The following MYBPC2 variants were observed in gnomAD, a reference collection of about 807,000 sequenced individuals.
The protein encoded by MYBPC2 is myosin binding protein C2.
A neutral mutation model predicts 137.0 loss-of-function variants in MYBPC2; 122 were observed. The ratio of observed to expected loss-of-function variants is 0.89; its 90% confidence interval spans 0.77 to 1.03. MYBPC2 has a LOEUF of 1.03. Among genes scored for constraint, MYBPC2 ranks in the 50% least tolerant of loss-of-function variants. The pLI is 0.00. For synonymous variants in MYBPC2, 626 were observed against 612.3 expected (o/e 1.02, Z -0.33); for missense variants, 1,500 against 1,534.4 (o/e 0.98, Z 0.37).
At chr19:50,452,548 C>CTATCTATCTATG in intron 16 of MYBPC2, among the ~76,000 whole-genome samples, 1 of 133,296 alleles carries the variant, frequency 7.5e-6, no homozygotes. Flanking sequence ...ATGTATCTAT[C>CTATCTATCTATG]TATCTATCTA....
rs771101541 is a variant in MYBPC2 at position 50,455,123 on chromosome 19, G to A, written c.2030G>A (p.Arg677Gln). Residue 677 changes from arginine to glutamine, a missense_variant, in exon 19 of 28, where the codon CGG becomes CAG. Coordinates refer to ENST00000357701, the MANE Select transcript of MYBPC2 (RefSeq NM_004533.4). ...GKPVTGYLVE[R>Q]KKKGSQRWMK... ...GAGCCTCCAGGGTACCTCGTAGAGC[G>A]GAAGAAGAAGGGCTCTCAGCGCTGG... The A allele has an allele frequency of 4.8e-5, 78 of 1,612,658 alleles. No homozygotes were observed. Among genetic ancestry groups the A allele is most frequent in the African/African-American group, 1.6e-4 (12 of 74,796 alleles).
rs111688065 is a variant in MYBPC2 at position 50,463,524 on chromosome 19, CATTT to C, written c.3229-818_3229-815del. 8.5e-4 allele frequency among the ~76,000 whole-genome samples: 130 copies of C among 152,322 alleles called. 2 individuals carry two copies. Among genetic ancestry groups the C allele is most frequent in the African/African-American group, 3.0e-3 (125 of 41,572 alleles). Reference sequence around the variant, plus strand: ...CGTGCTCTCATTCATTTATTCACTCCATTTATTCTTACAACAAACATTTTCAGAG... The same window carrying C: ...CGTGCTCTCATTCATTTATTCACTCCATTCTTACAACAAACATTTTCAGAG... On this transcript the variant is annotated intron_variant, in intron 26 of 27. Transcript: ENST00000357701.
intron 24 of MYBPC2, 93 bp from the exon 25 acceptor site, chr19:50,461,449 G>T: frequency 9.7e-6 from 13 of 1,334,674 alleles, no homozygotes; most frequent in Non-Finnish European, 1.2e-5. Context: ...CACTGGATGT[G>T]CTTTTCTCAC....
At chr19:50,464,952 A>ACCTGCCCCTGCCTCTC in intron 27 of MYBPC2, among the ~76,000 whole-genome samples, 1 of 149,700 alleles carries the variant, frequency 6.7e-6, no homozygotes, top group Non-Finnish European at 1.5e-5. Flanking sequence ...GCTCCCACCC[A>ACCTGCCCCTGCCTCTC]CCTGCCCCTG....
At chr19:50,461,084 G>A (rs2039967685) in intron 24 of MYBPC2, among the ~76,000 whole-genome samples, 2 of 151,496 alleles carry the variant, frequency 1.3e-5, no homozygotes, top group Admixed American at 1.3e-4. Context: ...GCTCACTGCA[G>A]CCTCCAACCC....
chr19:50,452,634 G>A lies in MYBPC2; in HGVS notation c.1749+631G>A, dbSNP rs10424749. Among the ~76,000 whole-genome samples the A allele has an allele frequency of 7.3e-3, 1,111 of 151,890 alleles. 14 individuals carry two copies. Among genetic ancestry groups the A allele is most frequent in the African/African-American group, 0.026 (1,058 of 41,386 alleles). On this transcript the variant is annotated intron_variant, in intron 16 of 27. Transcript: ENST00000357701. ...GTGCAGTGGCGTAGTCTTGGCTCAC[G>A]GAAACCTCCACCTCCCAGGCTCAAG...
At chr19:50,461,780 C>T (rs1261001851) in intron 25 of MYBPC2, 79 bp downstream of exon 25, 8 of 1,594,884 alleles carry the variant, frequency 5.0e-6, no homozygotes, top group Non-Finnish European at 6.8e-6. Context: ...CCTGCCCTCC[C>T]CTCCCCACTG....
At position 50,466,200 on chromosome 19, in the gene MYBPC2, C is replaced by A. The variant is rs1051419574; in HGVS notation, c.3421C>A (p.Gln1141Lys). The change falls in exon 28 of 28, where the codon CAG (glutamine) becomes AAG (lysine). Residue 1141 changes from glutamine to lysine, a missense_variant. Gln to Lys is a moderately conservative substitution (Grantham distance 53). Transcript: ENST00000357701. This position sits in a 1 kb window ranked among gnomAD's most constrained non-coding sequence, Gnocchi z 4.9. Reference sequence around the variant, plus strand: ...GCTTTCTCGTTTTCCTGCAGTGCCGCAGTGAGACCTGTCCCCTACCTGCCA... The same window carrying A: ...GCTTTCTCGTTTTCCTGCAGTGCCGAAGTGAGACCTGTCCCCTACCTGCCA... ...AECKLEVRVP[Q>K] 3 of 1,613,924 alleles carry A rather than the reference C, an allele frequency of 1.9e-6. No homozygotes were observed. Among genetic ancestry groups the A allele is most frequent in the Middle Eastern group, 3.3e-4 (2 of 6,062 alleles).
At chr19:50,436,787 A>G in intron 5 of MYBPC2, 53 bp downstream of exon 5, 1 of 1,537,408 alleles carries the variant, frequency 6.5e-7, no homozygotes, top group Non-Finnish European at 9.0e-7. Flanking sequence ...GGTGGGGTGG[A>G]CAGATGTACC....
At position 50,436,613 on chromosome 19, in the gene MYBPC2, C is replaced by T; in HGVS notation, c.346-4C>T. Reference sequence around the variant, plus strand: ...TGCACCCACACCCCCGGCCCTGGACCCAGGTGTACACCGTGGAGCTGCACA... The same window carrying T: ...TGCACCCACACCCCCGGCCCTGGACTCAGGTGTACACCGTGGAGCTGCACA... On this transcript the variant is annotated splice_polypyrimidine_tract_variant and splice_region_variant and intron_variant, in intron 4 of 27. Transcript: ENST00000357701. 1 of 1,613,316 alleles carries T rather than the reference C, an allele frequency of 6.2e-7. No individual in the cohort carries two copies. The highest frequency in any genetic ancestry group is 8.5e-7 in the Non-Finnish European group (1 of 1,179,360).
At position 50,435,786 on chromosome 19, in the gene MYBPC2, C is replaced by T. The variant is rs1355213778; in HGVS notation, c.120C>T (p.Pro40=). 14 of 1,609,962 alleles carry T rather than the reference C, an allele frequency of 8.7e-6. No individual in the cohort carries two copies. The highest frequency in any genetic ancestry group is 2.2e-5 in the South Asian group (2 of 90,526). ...CTGTCCCCTGAACAGAAGCCCCACCCGAGGACCAGTCCCCGACTGCAGAGG... is the reference window on the plus strand; with the variant it reads ...CTGTCCCCTGAACAGAAGCCCCACCTGAGGACCAGTCCCCGACTGCAGAGG... The part of the protein sequence containing the change: ...APAEAPKEAP[P]EDQSPTAEEP... Residue 40 remains proline, a synonymous_variant, in exon 3 of 28, where the codon CCC becomes CCT. Coordinates refer to ENST00000357701, the MANE Select transcript of MYBPC2 (RefSeq NM_004533.4). This position sits in a 1 kb window ranked among gnomAD's most constrained non-coding sequence, Gnocchi z 4.8.
At chr19:50,461,177 G>T (rs539068978) in intron 24 of MYBPC2, among the ~76,000 whole-genome samples, 3 of 151,142 alleles carry the variant, frequency 2.0e-5, no homozygotes, top group Admixed American at 6.6e-5. Flanking sequence ...CTAATTTTTT[G>T]ATTTTTTTAA....
At position 50,451,319 on chromosome 19, in the gene MYBPC2, A is replaced by ACGGG. The variant is rs766091153; in HGVS notation, c.1609+12_1609+15dup. 1 of 1,613,362 alleles carries ACGGG rather than the reference A, an allele frequency of 6.2e-7. No individual in the cohort carries two copies. The highest frequency in any genetic ancestry group is 1.7e-5 in the Admixed American group (1 of 59,934). ...TACGTTCCCAAGCAAGGTGAGCACC[A>ACGGG]CGGGCTGCGCTGGGAGCGGGTCTGA... On this transcript the variant is annotated intron_variant, in intron 15 of 27. Transcript: ENST00000357701.
chr19:50,449,180 C>A (rs1360597146), intron 13 of MYBPC2, among the ~76,000 whole-genome samples: 1 of 151,740 alleles, frequency 6.6e-6, no homozygotes, highest in Non-Finnish European at 1.5e-5. Context: ...GAGACACTCT[C>A]TCTAAATAAA....
At chr19:50,436,307 G>A (rs2039703293) in intron 4 of MYBPC2, 147 bp downstream of exon 4, 2 of 1,319,976 alleles carry the variant, frequency 1.5e-6, no homozygotes, top group African/African-American at 1.5e-5. Context: ...GTTGTGCGGG[G>A]CTGCTGGGGA....
intron 1 of MYBPC2, 30 bp downstream of exon 1, chr19:50,433,002 G>T: frequency 6.3e-7 from 1 of 1,575,274 alleles, no homozygotes; most frequent in South Asian, 1.2e-5. Context: ...CCTGTGTGGG[G>T]ATGGGGCTCT....
chr19:50,452,518 A>G (rs892880065), intron 16 of MYBPC2, among the ~76,000 whole-genome samples: 1 of 150,990 alleles, frequency 6.6e-6, no homozygotes, highest in African/African-American at 2.4e-5. Flanking sequence ...GTATCTATCT[A>G]TCTATCTATC....
rs769967871 is a variant in MYBPC2, at chr19:50,448,399, T to TG, written c.1472+12dup. 4.3e-6 allele frequency: 7 copies of TG among 1,611,878 alleles called. No individual in the cohort carries two copies. In the South Asian group the frequency reaches 6.6e-5, roughly 15 times the overall value. On this transcript the variant is annotated intron_variant, in intron 13 of 27. Transcript: ENST00000357701. The stretch of plus-strand genomic sequence containing the variant: ...ATTTCCCATGTAGGCAGGTGAGGAG[T>TG]GGGCTGCAGAAGTGGCTGGGGGTAG...
chr19:50,465,722 G>C lies in MYBPC2; in HGVS notation c.3416-473G>C, dbSNP rs936067941. 6.6e-5 allele frequency among the ~76,000 whole-genome samples: 10 copies of C among 152,178 alleles called. No individual in the cohort carries two copies. Among genetic ancestry groups the C allele is most frequent in the African/African-American group, 2.4e-4 (10 of 41,450 alleles). The stretch of plus-strand genomic sequence containing the variant: ...TAGCCGGGCCTGGTGGCACATGCCT[G>C]TTGTCCCAGCTACCTGGGGGGCTGG... On this transcript the variant is annotated intron_variant, in intron 27 of 27. Coordinates refer to ENST00000357701, the MANE Select transcript of MYBPC2 (RefSeq NM_004533.4). This position sits in a 1 kb window ranked among gnomAD's most constrained non-coding sequence, Gnocchi z 4.5.
Sources: allele counts gnomAD v4.1 joint callset (sites outside exome capture counted in the v4.1 genomes callset), GRCh38; gene constraint gnomAD v4.1.1; non-coding constraint Gnocchi (gnomAD v3.1); transcripts MANE v1.5; gene names NCBI Gene and HGNC (gene_info 2026-07-23, HGNC 2026-07-21).